The following TTLL4 variants were observed in gnomAD, a reference collection of about 807,000 sequenced individuals.
TTLL4 encodes the protein tubulin tyrosine ligase like 4.
In TTLL4, 85 loss-of-function variants were observed where a neutral mutation model predicts 122.7. That is an observed-to-expected ratio of 0.69 (90% CI 0.58 to 0.83). The LOEUF is 0.83. Ranked by LOEUF, TTLL4 falls within the 40% of genes least tolerant of loss-of-function variation. The probability of loss-of-function intolerance (pLI) is 0.00; values close to 1 mark genes in which losing one functional copy is unlikely to be tolerated. For missense variants in TTLL4, 1,363 were observed against 1,488.6 expected, an observed-to-expected ratio of 0.92 and a Z score of 1.39; for synonymous variants, 553 against 563.0, an observed-to-expected ratio of 0.98 and a Z score of 0.25.
intron 2 of TTLL4, among the ~76,000 whole-genome samples, chr2:218,729,955 G>T (rs750675331): frequency 1.3e-5 from 2 of 151,906 alleles, no homozygotes; most frequent in Non-Finnish European, 2.9e-5. Context: ...TATTGCTCAG[G>T]CTGTTCTCAA....
At position 218,738,373 on chromosome 2, in the gene TTLL4, T is replaced by C; in HGVS notation, c.697T>C (p.Leu233=). The change falls in exon 3 of 20, where the codon TTG becomes CTG. Residue 233 remains leucine (L), a synonymous_variant. Transcript: ENST00000392102. ...MWPNSTPVPL[L]QTTQGLKPVS... ...GCCAAATAGCACGCCAGTGCCTTTA[T>C]TGCAGACCACACAGGGCCTGAAGCC... 6.2e-7 allele frequency: 1 copy of C among 1,614,154 alleles called. No individual in the cohort carries two copies. The highest frequency in any genetic ancestry group is 1.3e-5 in the African/African-American group (1 of 75,052).
chr2:218,738,852 T>C lies in TTLL4; in HGVS notation c.1176T>C (p.Asp392=), dbSNP rs1942616936. Residue 392 remains aspartate (D), a synonymous_variant, in exon 3 of 20, where the codon GAT becomes GAC. Transcript: ENST00000392102. ...TAAATCAGCAGTTTCCTCAGGAGGA[T>C]GCTGGATCGGTCAGGCGGGTCCTCC... ...PAVNQQFPQE[D]AGSVRRVLPG... The C allele has an allele frequency of 3.7e-6, 6 of 1,614,204 alleles. No homozygotes were observed. Among genetic ancestry groups the C allele is most frequent in the Non-Finnish European group, 5.1e-6 (6 of 1,180,036 alleles).
chr2:218,745,155 G>A lies in TTLL4; in HGVS notation c.1708G>A (p.Val570Ile), dbSNP rs35012974. 1.3e-3 allele frequency: 2,039 copies of A among 1,614,054 alleles called. 29 individuals carry two copies. In the African/African-American group the frequency reaches 0.025, roughly 19 times the overall value. ...LTKPLSNHEK[V>I]VRPALIYSLF... Reference sequence around the variant, plus strand: ...CAAACCCCTTTCCAATCATGAGAAAGTTGTCCGACCAGCCCTCATCTACAG... The same window carrying A: ...CAAACCCCTTTCCAATCATGAGAAAATTGTCCGACCAGCCCTCATCTACAG... Residue 570 changes from valine to isoleucine, a missense_variant, in exon 6 of 20, where the codon GTT (valine) becomes ATT (isoleucine). Val to Ile is a conservative substitution (Grantham distance 29, BLOSUM62 3). Around this residue, in one of 3 missense-constraint regions of TTLL4, gnomAD observed 760 missense variants for 808.4 expected, o/e 0.94. Transcript: ENST00000392102.
At chr2:218,728,000 ACTTAT>A (rs1028486753) in intron 2 of TTLL4, 1 of 151,560 alleles carries the variant, frequency 6.6e-6, no homozygotes, top group African/African-American at 2.4e-5. Context: ...TAACCTGTTG[ACTTAT>A]CTTTTTTTTA....
chr2:218,737,539 C>G, intron 2 of TTLL4, 40 bp from the exon 3 acceptor site: 1 of 1,057,732 alleles, frequency 9.5e-7, no homozygotes, highest in Non-Finnish European at 1.4e-6. Flanking sequence ...GTCCGTTCTC[C>G]TGGCACTGTA....
rs765090304 is a variant in TTLL4, at chr2:218,745,725, C to T, written c.1821C>T (p.Leu607=). Reference sequence around the variant, plus strand: ...TTCCCTGGGAACAGAGGAAGTTGCTCCGATGGAAGATGAGCACAGTGACCC... The same window carrying T: ...TTCCCTGGGAACAGAGGAAGTTGCTTCGATGGAAGATGAGCACAGTGACCC... ...EKLPWEQRKL[L]RWKMSTVTPN... Residue 607 remains leucine, a synonymous_variant, in exon 7 of 20, where the codon CTC becomes CTT. Transcript: ENST00000392102. 3 of 1,613,230 alleles carry T rather than the reference C, an allele frequency of 1.9e-6. No homozygotes were observed. In the South Asian group the frequency reaches 3.3e-5, roughly 18 times the overall value.
At chr2:218,754,060 T>A in intron 19 of TTLL4, 74 bp from the exon 20 acceptor site, 1 of 1,591,980 alleles carries the variant, frequency 6.3e-7, no homozygotes, top group South Asian at 1.1e-5. Context: ...TGCTCCAGAC[T>A]GAAGGCAAAT....
rs1942939900 is a variant in TTLL4 at position 218,749,009 on chromosome 2, G to A, written c.2600+75G>A. 9 of 1,504,212 alleles carry A rather than the reference G, an allele frequency of 6.0e-6. No homozygotes were observed. The East Asian group carries it at 2.1e-4, about 34-fold the overall frequency. The allele number at this position is 1,504,212 out of a possible 1,614,324, so 93.2% of individuals were successfully genotyped here. On this transcript the variant is annotated intron_variant, in intron 13 of 19. Transcript: ENST00000392102. ...TTTCTCCTGGGCCTCACACTGCTGT[G>A]CTCTGGACTTTGGCCATGCTGTGGT...
intron 2 of TTLL4, among the ~76,000 whole-genome samples, chr2:218,737,200 C>T (rs1361164177): frequency 6.6e-6 from 1 of 152,150 alleles, no homozygotes; most frequent in Non-Finnish European, 1.5e-5. Flanking sequence ...TTATTCCTAG[C>T]CACACTGGTT....
rs562479789 is a variant in TTLL4, at chr2:218,738,766, C to G, written c.1090C>G (p.Leu364Val). Residue 364 changes from leucine to valine, a missense_variant, in exon 3 of 20, where the codon CTG (leucine) becomes GTG (valine). By Grantham distance (32) the Leu-to-Val change is conservative. Coordinates refer to ENST00000392102, the MANE Select transcript of TTLL4 (RefSeq NM_014640.5). ...QGCQLEQSSFLNPSFQWNVLN... is the reference protein window; with the variant it reads ...QGCQLEQSSFVNPSFQWNVLN... ...CTGCCAGCTTGAACAGTCTAGTTTC[C>G]TGAACCCCAGCTTCCAGTGGAATGT... is the stretch of plus-strand genomic sequence containing the variant. 5 of 1,614,200 alleles carry G rather than the reference C, an allele frequency of 3.1e-6. No homozygotes were observed. In the African/African-American group the frequency reaches 6.7e-5, roughly 22 times the overall value.
Position 218,751,904 on chromosome 2 carries a change from C to CTTTTTT in TTLL4, c.2976+103_2976+104insTTTTTT, listed in dbSNP as rs879049551. The CTTTTTT allele has an allele frequency of 9.1e-4, 483 of 528,912 alleles. 9 individuals are homozygous for CTTTTTT. Among genetic ancestry groups the CTTTTTT allele is most frequent in the African/African-American group, 3.2e-3 (120 of 37,724 alleles). The allele number at this position is 528,912 out of a possible 1,614,324, so 32.8% of individuals were successfully genotyped here. ...CAGCTTTTCTTTTTTTTTTTCTTTT[C>CTTTTTT]TTTTTCTTTTTTTTTTTTTTGAGAT... On this transcript the variant is annotated intron_variant, in intron 16 of 19. Transcript: ENST00000392102.
chr2:218,727,703 C>T (rs967820128), intron 2 of TTLL4, among the ~76,000 whole-genome samples: 4 of 152,140 alleles, frequency 2.6e-5, no homozygotes, highest in African/African-American at 7.2e-5. Context: ...GTTCACACCA[C>T]TGCACTCCAG....
downstream of TTLL4, among the ~76,000 whole-genome samples, chr2:218,758,281 CAG>C (rs531707160): frequency 9.2e-5 from 14 of 152,228 alleles, no homozygotes; most frequent in South Asian, 2.5e-3. Flanking sequence ...GCAAAGCTAA[CAG>C]AATTTTGAAA....
chr2:218,726,658 G>T (rs1054674210), intron 1 of TTLL4, among the ~76,000 whole-genome samples: 1 of 151,972 alleles, frequency 6.6e-6, no homozygotes, highest in African/African-American at 2.4e-5. Flanking sequence ...GTAGAAATGG[G>T]GTTTCACTGT....
chr2:218,712,912 TTCGTGTAAACTGTATTCTTTG>T (rs1239699325), intron 1 of TTLL4, among the ~76,000 whole-genome samples: 1 of 152,200 alleles, frequency 6.6e-6, no homozygotes, highest in African/African-American at 2.4e-5. Context: ...CACAATCCCA[TTCGTGTAAACTGTATTCTTTG>T]TTAAGATATT....
chr2:218,752,629 G>T, intron 16 of TTLL4, 134 bp from the exon 17 acceptor site: 1 of 860,350 alleles, frequency 1.2e-6, no homozygotes, highest in Non-Finnish European at 1.8e-6. Flanking sequence ...CCACTAGGCT[G>T]CCCTCAGTAG....
intron 2 of TTLL4, among the ~76,000 whole-genome samples, chr2:218,729,535 C>G (rs894683817): frequency 6.6e-6 from 1 of 151,648 alleles, no homozygotes; most frequent in Non-Finnish European, 1.5e-5. Context: ...ACCAGAAGTC[C>G]CTATTCTTAG....
At chr2:218,716,561 G>A (rs913689690) in intron 1 of TTLL4, among the ~76,000 whole-genome samples, 16 of 152,172 alleles carry the variant, frequency 1.1e-4, no homozygotes, top group Non-Finnish European at 2.9e-5. Context: ...AGGCCGAGGC[G>A]GGCAGATCAC....
At chr2:218,749,743 A>C (rs1206369670) in intron 14 of TTLL4, among the ~76,000 whole-genome samples, 2 of 152,184 alleles carry the variant, frequency 1.3e-5, no homozygotes, top group African/African-American at 4.8e-5. Context: ...CTGGGATTAC[A>C]GATGTGAGCC....
Sources: allele counts gnomAD v4.1 joint callset (sites outside exome capture counted in the v4.1 genomes callset), GRCh38; gene constraint gnomAD v4.1.1; regional missense constraint gnomAD v4.1.1; transcripts MANE v1.5; gene names NCBI Gene and HGNC (gene_info 2026-07-23, HGNC 2026-07-21).